The following GPR161 variants were observed in gnomAD, a reference collection of about 807,000 sequenced individuals.
GPR161 encodes the protein G-protein coupled receptor RE2.
In GPR161, 25 loss-of-function variants were observed where a neutral mutation model predicts 39.2. The observed-to-expected ratio is 0.64, with a 90% CI of 0.47 to 0.89. The LOEUF is 0.89. Ranked by LOEUF, GPR161 falls within the 40% of genes least tolerant of loss-of-function variation. GPR161 has a pLI of 0.00. For missense variants in GPR161, 547 were observed against 677.8 expected, an observed-to-expected ratio of 0.81 and a Z score of 2.14; for synonymous variants, 286 against 276.6, an observed-to-expected ratio of 1.03 and a Z score of -0.34.
intron 1 of GPR161, chr1:168,136,232 T>C: frequency 7.7e-7 from 1 of 1,304,240 alleles, no homozygotes; most frequent in Non-Finnish European, 9.8e-7. Flanking sequence ...GCGCCCTGAG[T>C]CCCGGCTGGG....
In GPR161 at chr1:168,096,553, G is replaced by T; in HGVS notation, c.1054C>A (p.Arg352=). 6.2e-7 allele frequency: 1 copy of T among 1,614,136 alleles called. No homozygotes were observed. Among genetic ancestry groups the T allele is most frequent in the South Asian group, 1.1e-5 (1 of 91,080 alleles). ...CTGAAGAGCCTGGAAGTCCTCTGTC[G>T]TTGCACAAATGGTTCCCGATAATAC... The part of the protein sequence containing the change: ...DRYYREPFVQ[R]QRTSRLFSIS... Residue 352 remains arginine (R), a synonymous_variant, in exon 3 of 6, where the codon CGA becomes AGA. Transcript: ENST00000682931.
chr1:168,128,614 C>CA (rs1366736838), intron 1 of GPR161, among the ~76,000 whole-genome samples: 1 of 152,082 alleles, frequency 6.6e-6, no homozygotes, highest in Non-Finnish European at 1.5e-5. Context: ...TCTGAGAAGA[C>CA]AAGAGATGGA....
Position 168,098,758 on chromosome 1 carries a change from A to G in GPR161, c.375-1526T>C, listed in dbSNP as rs960766105. Among the ~76,000 whole-genome samples, 1 of 152,236 alleles carries G rather than the reference A, an allele frequency of 6.6e-6. No homozygotes were observed. Among genetic ancestry groups the G allele is most frequent in the Non-Finnish European group, 1.5e-5 (1 of 68,042 alleles). The stretch of plus-strand genomic sequence containing the variant: ...CTGAGGAGAAGATTGCGCAGTGATT[A>G]GGGTGTCTATTACAGAATCACTGCA... On this transcript the variant is annotated intron_variant, in intron 2 of 5. Coordinates refer to ENST00000682931, the MANE Select transcript of GPR161 (RefSeq NM_001375883.1). The surrounding 1 kb of genome is among the most constrained non-coding windows in gnomAD (Gnocchi z 4.1).
chr1:168,110,574 AAAG>A (rs1697070858), intron 1 of GPR161, among the ~76,000 whole-genome samples: 1 of 114,504 alleles, frequency 8.7e-6, no homozygotes, highest in African/African-American at 4.1e-5. Context: ...AAAGAAAAGA[AAAG>A]AAAAGAAAAG....
chr1:168,087,197 T>C (rs1302405930), intron 5 of GPR161, among the ~76,000 whole-genome samples: 1 of 152,186 alleles, frequency 6.6e-6, no homozygotes, highest in African/African-American at 2.4e-5. Flanking sequence ...GATGGCAGCT[T>C]TGGCCTCCAG....
intron 1 of GPR161, among the ~76,000 whole-genome samples, chr1:168,119,258 G>A (rs56758689): frequency 0.012 from 1,090 of 94,364 alleles, 107 homozygotes; most frequent in African/African-American, 0.047. Flanking sequence ...ATATATATAC[G>A]TATATATATG....
At chr1:168,135,168 C>A in intron 1 of GPR161, 1 of 1,192,438 alleles carries the variant, frequency 8.4e-7, no homozygotes, top group Non-Finnish European at 1.1e-6. Context: ...GGGAGAAGCC[C>A]TGAGTTAAAG....
intron 1 of GPR161, among the ~76,000 whole-genome samples, chr1:168,119,775 T>C (rs1386129655): frequency 6.6e-6 from 1 of 152,182 alleles, no homozygotes; most frequent in Non-Finnish European, 1.5e-5. Flanking sequence ...GTTCTCATGA[T>C]AGTGAGGGAG....
chr1:168,132,260 G>C (rs1352118973), intron 1 of GPR161, among the ~76,000 whole-genome samples: 2 of 151,122 alleles, frequency 1.3e-5, no homozygotes, highest in African/African-American at 4.9e-5. Flanking sequence ...GCAAGACTCT[G>C]TCTCATAAAA....
At chr1:168,120,676 C>T (rs763337778) in intron 1 of GPR161, among the ~76,000 whole-genome samples, 2 of 151,970 alleles carry the variant, frequency 1.3e-5, no homozygotes, top group Non-Finnish European at 2.9e-5. Context: ...TGGTGGGAGG[C>T]GATTGGATCA....
At chr1:168,103,128 A>T (rs982742745) in intron 2 of GPR161, among the ~76,000 whole-genome samples, 5 of 152,210 alleles carry the variant, frequency 3.3e-5, no homozygotes, top group South Asian at 4.1e-4. Context: ...TAATCCAGTA[A>T]CAGGGGACTG....
chr1:168,085,467 C>A lies in GPR161; in HGVS notation c.*64G>T. ...CATGCTCCCAAGGCCGCGGCACAGGCGGTGATGGGAACTCCTCCCCGGGCC... is the reference window on the plus strand; with the variant it reads ...CATGCTCCCAAGGCCGCGGCACAGGAGGTGATGGGAACTCCTCCCCGGGCC... On this transcript the variant is annotated 3_prime_UTR_variant, in exon 6 of 6. Transcript: ENST00000682931. 6.7e-7 allele frequency: 1 copy of A among 1,491,392 alleles called. No individual in the cohort carries two copies. Among genetic ancestry groups the A allele is most frequent in the Non-Finnish European group, 9.2e-7 (1 of 1,088,638 alleles). 92.4% of individuals were successfully genotyped at this position (1,491,392 alleles called of 1,614,324 possible).
At chr1:168,127,727 C>T (rs772945454) in intron 1 of GPR161, among the ~76,000 whole-genome samples, 1 of 152,086 alleles carries the variant, frequency 6.6e-6, no homozygotes, top group Non-Finnish European at 1.5e-5. Flanking sequence ...GAGAACAGCA[C>T]AAGAAAGACC....
chr1:168,093,676 C>G (rs1296560314), intron 3 of GPR161, among the ~76,000 whole-genome samples: 1 of 152,190 alleles, frequency 6.6e-6, no homozygotes, highest in Non-Finnish European at 1.5e-5. Flanking sequence ...GAGCCAGTGG[C>G]AGGGGAAGTG....
At chr1:168,119,450 C>T (rs992110985) in intron 1 of GPR161, among the ~76,000 whole-genome samples, 2 of 151,464 alleles carry the variant, frequency 1.3e-5, no homozygotes, top group Admixed American at 6.6e-5. Context: ...GAGGTACCTA[C>T]AGTAGTCAAA....
At chr1:168,093,810 G>A (rs544683684) in intron 3 of GPR161, among the ~76,000 whole-genome samples, 1 of 152,360 alleles carries the variant, frequency 6.6e-6, no homozygotes, top group South Asian at 2.1e-4. Context: ...CAGTCAGAAA[G>A]CCATGGACAG....
In GPR161 at chr1:168,104,619, C is replaced by T. The variant is rs147802262; in HGVS notation, c.232G>A (p.Val78Met). ...SLTLSNFLLS[V>M]LVLPFVVTSS... The stretch of plus-strand genomic sequence containing the variant: ...GTCACCACAAAAGGCAGCACCAACA[C>T]GGACAGCAGGAAGTTGGACAGAGTC... Residue 78 changes from valine to methionine, a missense_variant, in exon 2 of 6, where the codon GTG becomes ATG. Physicochemically the swap from Val to Met is conservative, Grantham distance 21. Transcript: ENST00000682931. 55 of 1,613,976 alleles carry T rather than the reference C, an allele frequency of 3.4e-5. No homozygotes were observed. Among genetic ancestry groups the T allele is most frequent in the Admixed American group, 1.7e-4 (10 of 59,992 alleles).
chr1:168,100,898 C>T (rs1696032988), intron 2 of GPR161, among the ~76,000 whole-genome samples: 1 of 152,198 alleles, frequency 6.6e-6, no homozygotes, highest in East Asian at 1.9e-4. Context: ...AGGTGACCAC[C>T]ATTACAGACT....
Position 168,084,925 on chromosome 1 carries a change from C to T in GPR161, c.*606G>A, listed in dbSNP as rs2102085005. The T allele has an allele frequency of 2.2e-6, 1 of 456,298 alleles. No homozygotes were observed. The highest frequency in any genetic ancestry group is 4.4e-6 in the Non-Finnish European group (1 of 226,958). The allele number at this position is 456,298 out of a possible 1,614,324, so 28.3% of individuals were successfully genotyped here. ...GGCCTGTGGCTGTCCCTATTAGCAC[C>T]AGCAGGTGGCGCCACTGAGGACCGC... On this transcript the variant is annotated 3_prime_UTR_variant, in exon 6 of 6. Transcript: ENST00000682931.
Sources: gnomAD v4.1 joint callset for allele counts (sites outside exome capture counted in the v4.1 genomes callset) on GRCh38, gnomAD v4.1.1 for gene constraint, Gnocchi (gnomAD v3.1) non-coding constraint, MANE v1.5 for transcripts, NCBI Gene and HGNC (gene_info 2026-07-23, HGNC 2026-07-21) for gene names.